Variants in LPA observed in about 807,000 individuals in gnomAD.
The protein encoded by LPA is apolipoprotein(a).
LPA carries 199 observed loss-of-function variants against 197.9 expected under a neutral mutation model. The observed-to-expected ratio is 1.01, with a 90% confidence interval of 0.90 to 1.13. The LOEUF (loss-of-function observed/expected upper bound fraction) is 1.13. LPA is among the 50% of genes most tolerant of loss of function. The pLI, the probability that LPA is intolerant of heterozygous loss-of-function variation, is 0.00. For missense variants in LPA, 1,853 were observed against 1,785.8 expected (o/e 1.04, Z -0.68); for synonymous variants, 715 against 639.5 (o/e 1.12, Z -1.78).
intron 1 of LPA, among the ~76,000 whole-genome samples, chr6:160,660,634 A>G (rs1345486285): frequency 6.6e-6 from 1 of 152,196 alleles, no homozygotes; most frequent in Non-Finnish European, 1.5e-5. Flanking sequence ...TGGTTGTAAC[A>G]CTGTCACTTT....
chr6:160,561,149 T>C (rs984284965), intron 28 of LPA, among the ~76,000 whole-genome samples: 1 of 152,218 alleles, frequency 6.6e-6, no homozygotes, highest in African/African-American at 2.4e-5. Context: ...GACCTCGTGA[T>C]CCATCCACCT....
chr6:160,660,522 C>G (rs191977537), intron 1 of LPA, among the ~76,000 whole-genome samples: 1 of 152,150 alleles, frequency 6.6e-6, no homozygotes, highest in African/African-American at 2.4e-5. Context: ...AAATAAGACA[C>G]CATCAGTGGC....
chr6:160,576,058 C>G (rs1778652693), intron 28 of LPA, among the ~76,000 whole-genome samples: 1 of 151,938 alleles, frequency 6.6e-6, no homozygotes, highest in Admixed American at 6.6e-5. Context: ...CATTTGTTTT[C>G]TGTTCTAAAT....
rs962607479 is a variant in LPA at position 160,553,905 on chromosome 6, TTC to T, written c.4973+2118_4973+2119del. ...AGGTTCTATTTATTTTTTTCAGCCT[TTC>T]TCTCTCTCTCTTTCTCTCTCTCTCT... On this transcript the variant is annotated intron_variant, in intron 30 of 38. Coordinates refer to ENST00000316300, the MANE Select transcript of LPA (RefSeq NM_005577.4). 5.9e-4 allele frequency among the ~76,000 whole-genome samples: 84 copies of T among 142,074 alleles called. 1 individual carries two copies. Among genetic ancestry groups the T allele is most frequent in the Admixed American group, 2.3e-3 (33 of 14,180 alleles). 93.2% of individuals were successfully genotyped at this position (142,074 alleles called of 152,430 possible).
rs1376836044 is a variant in LPA, at chr6:160,664,248, T to C, written c.-34A>G. 1 of 1,601,898 alleles carries C rather than the reference T, an allele frequency of 6.2e-7. No individual in the cohort carries two copies. Among genetic ancestry groups the C allele is most frequent in the East Asian group, 2.2e-5 (1 of 44,814 alleles). On this transcript the variant is annotated 5_prime_UTR_variant, in exon 1 of 39. Transcript: ENST00000316300. Reference sequence around the variant, plus strand: ...TGGCCAGCAGTGCCCAGAAAGTGTGTCCCAATCCCAGGACATTGTTGACTT... The same window carrying C: ...TGGCCAGCAGTGCCCAGAAAGTGTGCCCCAATCCCAGGACATTGTTGACTT...
intron 2 of LPA, among the ~76,000 whole-genome samples, chr6:160,646,859 AGTTC>A (rs1289594942): frequency 1.3e-5 from 2 of 150,960 alleles, no homozygotes; most frequent in Admixed American, 6.6e-5. Flanking sequence ...ACGAACATGT[AGTTC>A]TTCAGAGAAA....
intron 16 of LPA, among the ~76,000 whole-genome samples, chr6:160,609,063 A>C (rs1779422630): frequency 6.6e-6 from 1 of 152,022 alleles, no homozygotes; most frequent in Non-Finnish European, 1.5e-5. Flanking sequence ...TTGATATTTT[A>C]TCTGTTTTAT....
rs955439302 is a variant in LPA at position 160,557,988 on chromosome 6, C to T, written c.4632-417G>A. On this transcript the variant is annotated intron_variant, in intron 28 of 38. Coordinates refer to ENST00000316300, the MANE Select transcript of LPA (RefSeq NM_005577.4). ...AGACTGGAGTGCAGTGGCGCAATCT[C>T]GGCTCACTGCAAGGTCTGCCTCCTG... Among the ~76,000 whole-genome samples the T allele has an allele frequency of 4.0e-5, 6 of 151,436 alleles. No homozygotes were observed. The South Asian group carries it at 6.3e-4, about 16-fold the overall frequency.
intron 23 of LPA, 37 bp downstream of exon 23, chr6:160,590,907 G>A (rs759821833): frequency 1.6e-5 from 26 of 1,613,522 alleles, no homozygotes; most frequent in East Asian, 2.2e-5. Flanking sequence ...TTATCCCAAC[G>A]TCCAAGGGTG....
chr6:160,531,509 T>C lies in LPA; in HGVS notation c.*220A>G. On this transcript the variant is annotated 3_prime_UTR_variant, in exon 39 of 39. Transcript: ENST00000316300. ...CAAATCAAAATAAGTGCAGAGTTTA[T>C]TTTTAACAAATGTCATAGCTATGAC... 1 of 595,248 alleles carries C rather than the reference T, an allele frequency of 1.7e-6. No homozygotes were observed. The highest frequency in any genetic ancestry group is 3.0e-6 in the Non-Finnish European group (1 of 337,104). 36.9% of individuals were successfully genotyped at this position (595,248 alleles called of 1,614,324 possible).
At chr6:160,603,728 G>C (rs1779289137) in intron 18 of LPA, among the ~76,000 whole-genome samples, 2 of 152,172 alleles carry the variant, frequency 1.3e-5, no homozygotes, top group African/African-American at 2.4e-5. Flanking sequence ...TGACTTTGTT[G>C]TTTACCTCTA....
At chr6:160,590,164 G>C (rs973035265) in intron 23 of LPA, among the ~76,000 whole-genome samples, 8 of 152,148 alleles carry the variant, frequency 5.3e-5, no homozygotes, top group Non-Finnish European at 8.8e-5. Flanking sequence ...GGAAGATGGG[G>C]CAGGAAGTGG....
intron 30 of LPA, among the ~76,000 whole-genome samples, chr6:160,552,665 T>C (rs1778185223): frequency 6.6e-6 from 1 of 152,254 alleles, no homozygotes; most frequent in South Asian, 2.1e-4. Context: ...CTCCAGCTTA[T>C]TTATGATTCA....
At chr6:160,556,912 GT>G (rs1160107336) in intron 29 of LPA, among the ~76,000 whole-genome samples, 6 of 152,126 alleles carry the variant, frequency 3.9e-5, no homozygotes, top group African/African-American at 1.4e-4. Context: ...GAGAAATAGT[GT>G]ATTCTGTGGT....
intron 28 of LPA, among the ~76,000 whole-genome samples, chr6:160,571,358 G>T (rs1017586629): frequency 6.6e-6 from 1 of 152,012 alleles, no homozygotes; most frequent in Non-Finnish European, 1.5e-5. Flanking sequence ...CTGAAACCAG[G>T]ACCCACTTGA....
chr6:160,594,145 T>C, intron 21 of LPA, 28 bp from the exon 22 acceptor site: 1 of 1,613,350 alleles, frequency 6.2e-7, no homozygotes, highest in East Asian at 2.2e-5. Flanking sequence ...GAAATCAAGC[T>C]GAGTAATTTC....
chr6:160,654,085 A>AT (rs1562355086), intron 1 of LPA, among the ~76,000 whole-genome samples: 1 of 47,222 alleles, frequency 2.1e-5, no homozygotes, highest in Non-Finnish European at 3.7e-5. Flanking sequence ...TATATATTAT[A>AT]TATATTATAT....
At chr6:160,578,470 T>C in intron 27 of LPA, 53 bp downstream of exon 27, 1 of 1,607,608 alleles carries the variant, frequency 6.2e-7, no homozygotes, top group Non-Finnish European at 8.5e-7. Flanking sequence ...ATCAGTAAGA[T>C]TTTCCATGGT....
intron 23 of LPA, 79 bp downstream of exon 23, chr6:160,590,865 G>C (rs539322527): frequency 1.9e-6 from 3 of 1,573,438 alleles, no homozygotes; most frequent in African/African-American, 1.3e-5. Flanking sequence ...AGCATGGAAG[G>C]CTTCTGTATC....
Sources: allele counts gnomAD v4.1 joint callset (sites outside exome capture counted in the v4.1 genomes callset), GRCh38; gene constraint gnomAD v4.1.1; transcripts MANE v1.5; gene names NCBI Gene and HGNC (gene_info 2026-07-23, HGNC 2026-07-21).